Variants in KIF13A observed in about 807,000 individuals in gnomAD.
KIF13A encodes the protein kinesin family member 13A, also known as kinesin-like protein KIF13A.
A neutral mutation model predicts 212.2 loss-of-function variants in KIF13A; 79 were observed. The ratio of observed to expected loss-of-function variants is 0.37; its 90% CI spans 0.31 to 0.45. The LOEUF is 0.45. KIF13A is among the 20% of genes least tolerant of loss of function. KIF13A has a pLI of 1.00. For synonymous variants in KIF13A, 789 were observed against 808.6 expected (o/e 0.98, Z 0.41); for missense variants, 1,901 against 2,209.0 (o/e 0.86, Z 2.79).
At chr6:17,763,440 A>T (rs529260525), downstream of KIF13A, among the ~76,000 whole-genome samples, 20 of 138,726 alleles carry the variant, frequency 1.4e-4, no homozygotes, top group Admixed American at 8.3e-4. Flanking sequence ...ACTGCACTGC[A>T]GCCTGGGTGA....
rs560968914 is a variant in KIF13A, at chr6:17,984,765, A to G, written c.146+2289T>C. On this transcript the variant is annotated intron_variant, in intron 2 of 38. Coordinates refer to ENST00000259711, the MANE Select transcript of KIF13A (RefSeq NM_022113.6). The surrounding 1 kb of genome is among the most constrained non-coding windows in gnomAD (Gnocchi z 5.0). Reference sequence around the variant, plus strand: ...CAGGTTTGCCAATATGCATTTAAAGACCTCTTACACTTCAAACCTTGGACT... The same window carrying G: ...CAGGTTTGCCAATATGCATTTAAAGGCCTCTTACACTTCAAACCTTGGACT... Among the ~76,000 whole-genome samples the G allele has an allele frequency of 6.6e-6, 1 of 152,152 alleles. No individual in the cohort carries two copies. Among genetic ancestry groups the G allele is most frequent in the Non-Finnish European group, 1.5e-5 (1 of 68,028 alleles).
At chr6:17,974,620 A>G (rs1780119360) in intron 2 of KIF13A, among the ~76,000 whole-genome samples, 1 of 151,782 alleles carries the variant, frequency 6.6e-6, no homozygotes, top group South Asian at 2.1e-4. Flanking sequence ...GTTTTAGAGT[A>G]GTTAAGCAAC....
intron 2 of KIF13A, among the ~76,000 whole-genome samples, chr6:17,938,463 G>C (rs561224014): frequency 6.6e-6 from 1 of 152,222 alleles, no homozygotes; most frequent in East Asian, 1.9e-4. Context: ...AAGATAGAAC[G>C]GTCCTGAAAG....
chr6:17,819,339 G>A (rs544387303), intron 16 of KIF13A, among the ~76,000 whole-genome samples: 6 of 152,242 alleles, frequency 3.9e-5, no homozygotes, highest in South Asian at 4.1e-4. Flanking sequence ...TGAGGTGGGC[G>A]ATCACTTGAG....
At chr6:17,959,396 C>CA (rs35069089) in intron 2 of KIF13A, among the ~76,000 whole-genome samples, 1 of 151,792 alleles carries the variant, frequency 6.6e-6, no homozygotes, top group Non-Finnish European at 1.5e-5. Context: ...AGATGCAATG[C>CA]AAAAAAAGAG....
In KIF13A at chr6:17,799,481, A is replaced by G. The variant is rs200192956; in HGVS notation, c.2617-42T>C. The G allele has an allele frequency of 2.6e-4, 365 of 1,414,036 alleles. No individual in the cohort carries two copies. The highest frequency in any genetic ancestry group is 3.2e-4 in the Non-Finnish European group (342 of 1,060,212). 87.6% of individuals were successfully genotyped at this position (1,414,036 alleles called of 1,614,324 possible). ...TACAAATAAAACTCCAATGAACACT[A>G]AACATTCTTTCATTTCAGCTACCTC... On this transcript the variant is annotated intron_variant, in intron 21 of 38. Transcript: ENST00000259711. The surrounding 1 kb of genome is among the most constrained non-coding windows in gnomAD (Gnocchi z 4.4).
chr6:17,805,047 T>C (rs1416895089), intron 19 of KIF13A, among the ~76,000 whole-genome samples: 1 of 152,100 alleles, frequency 6.6e-6, no homozygotes, highest in Non-Finnish European at 1.5e-5. Flanking sequence ...CAAGCTTAAA[T>C]TACTCTTAGT....
rs757023213 is a variant in KIF13A at position 17,817,030 on chromosome 6, C to T, written c.1990G>A (p.Ala664Thr). The change falls in exon 17 of 39, where the codon GCA (alanine) becomes ACA (threonine). Residue 664 changes from alanine to threonine, a missense_variant. This residue lies in a region of KIF13A where 534 missense variants were observed against 536.9 expected (regional missense o/e 0.99). Transcript: ENST00000259711. ...QTAQQKVTQW[A>T]EERDELFRQS... ...CGCTGCAGTTCTTACCTCTCTTCTG[C>T]CCACTGGGTCACCTTCTGCTGCGCT... is the stretch of plus-strand genomic sequence containing the variant. 1.2e-6 allele frequency: 2 copies of T among 1,610,982 alleles called. No homozygotes were observed. The highest frequency in any genetic ancestry group is 2.2e-5 in the South Asian group (2 of 90,820).
At chr6:17,804,629 A>T in intron 19 of KIF13A, 119 bp from the exon 20 acceptor site, 1 of 1,016,350 alleles carries the variant, frequency 9.8e-7, no homozygotes, top group Non-Finnish European at 1.4e-6. Flanking sequence ...TTAAACAGCA[A>T]GTAAAATTAT....
At chr6:17,852,831 T>C (rs1215316230) in intron 6 of KIF13A, among the ~76,000 whole-genome samples, 3 of 152,380 alleles carry the variant, frequency 2.0e-5, no homozygotes, top group African/African-American at 4.8e-5. Context: ...AGTGAGATTA[T>C]AGTACAGAGT....
chr6:17,829,537 CAT>C lies in KIF13A; in HGVS notation c.1402-1169_1402-1168del, dbSNP rs1033172969. 1.1e-4 allele frequency among the ~76,000 whole-genome samples: 17 copies of C among 152,178 alleles called. No homozygotes were observed. The highest frequency in any genetic ancestry group is 3.9e-4 in the African/African-American group (16 of 41,438). On this transcript the variant is annotated intron_variant, in intron 13 of 38. Transcript: ENST00000259711. The surrounding 1 kb of genome is among the most constrained non-coding windows in gnomAD (Gnocchi z 5.4). ...ACAGTAAACACACTGCACCTGGCCT[CAT>C]GTGATTTTAAGTACCTGAACCTCAG...
rs1229599787 is a variant in KIF13A at position 17,873,364 on chromosome 6, G to A, written c.220+13C>T. 6.3e-7 allele frequency: 1 copy of A among 1,579,236 alleles called. No homozygotes were observed. Among genetic ancestry groups the A allele is most frequent in the African/African-American group, 1.3e-5 (1 of 74,278 alleles). ...AGAAGCCCAACTGTCAGGTGTAGAG[G>A]GAGAAAACTTACCAGCGTATTTTGT... On this transcript the variant is annotated intron_variant, in intron 4 of 38. Coordinates refer to ENST00000259711, the MANE Select transcript of KIF13A (RefSeq NM_022113.6).
chr6:17,899,096 G>A lies in KIF13A; in HGVS notation c.147-916C>T, dbSNP rs1360124726. 6.6e-6 allele frequency among the ~76,000 whole-genome samples: 1 copy of A among 152,188 alleles called. No individual in the cohort carries two copies. ...CCCCACCTCAGCCTCCCAAAGTGCT[G>A]GGATTACAGGTGTGAACCACTGCAT... On this transcript the variant is annotated intron_variant, in intron 2 of 38. Transcript: ENST00000259711. This position sits in a 1 kb window ranked among gnomAD's most constrained non-coding sequence, Gnocchi z 5.2.
intron 2 of KIF13A, among the ~76,000 whole-genome samples, chr6:17,952,047 T>C (rs1351069421): frequency 1.3e-5 from 2 of 152,162 alleles, no homozygotes; most frequent in Admixed American, 1.3e-4. Flanking sequence ...CTCACGCCTG[T>C]AATCTCAGCA....
rs1287404656 is a variant in KIF13A at position 17,888,198 on chromosome 6, C to T, written c.159+9970G>A. On this transcript the variant is annotated intron_variant, in intron 3 of 38. Transcript: ENST00000259711. This position sits in a 1 kb window ranked among gnomAD's most constrained non-coding sequence, Gnocchi z 4.8. ...CTTAGATTATAGTATATCTAATCTT[C>T]CTTATCATGTTATGAATTCTAGAAA... Among the ~76,000 whole-genome samples the T allele has an allele frequency of 2.6e-5, 4 of 152,072 alleles. No homozygotes were observed. Among genetic ancestry groups the T allele is most frequent in the Non-Finnish European group, 5.9e-5 (4 of 68,026 alleles).
intron 20 of KIF13A, among the ~76,000 whole-genome samples, chr6:17,800,662 G>A (rs1445238832): frequency 2.0e-5 from 3 of 150,752 alleles, no homozygotes; most frequent in Non-Finnish European, 4.4e-5. Flanking sequence ...GTGCAGTGGC[G>A]TGATCTCGGC....
chr6:17,776,539 G>A lies in KIF13A; in HGVS notation c.4170+738C>T, dbSNP rs1759998336. 6.6e-6 allele frequency among the ~76,000 whole-genome samples: 1 copy of A among 152,182 alleles called. No homozygotes were observed. Among genetic ancestry groups the A allele is most frequent in the South Asian group, 2.1e-4 (1 of 4,824 alleles). On this transcript the variant is annotated intron_variant, in intron 34 of 38. Transcript: ENST00000259711. The surrounding 1 kb of genome is among the most constrained non-coding windows in gnomAD (Gnocchi z 4.6). ...GCATTGTGGTCAGAAGAAGTAATCT[G>A]TGTGATAATAATTACTGGGATTTGC...
intron 3 of KIF13A, among the ~76,000 whole-genome samples, chr6:17,890,271 A>T (rs997853516): frequency 1.3e-4 from 20 of 152,200 alleles, no homozygotes; most frequent in African/African-American, 4.1e-4. Context: ...TGAGGGACAG[A>T]AGAAGAAAAT....
Position 17,771,267 on chromosome 6 carries a change from G to T in KIF13A, c.4477-49C>A, listed in dbSNP as rs1759472837. On this transcript the variant is annotated intron_variant, in intron 37 of 38. Coordinates refer to ENST00000259711, the MANE Select transcript of KIF13A (RefSeq NM_022113.6). The surrounding 1 kb of genome is among the most constrained non-coding windows in gnomAD (Gnocchi z 5.4). ...TGCATCACACACAAAGACGACAACG[G>T]CCAAAATACATATTAAGTACATGCA... 2 of 1,192,056 alleles carry T rather than the reference G, an allele frequency of 1.7e-6. No homozygotes were observed. The highest frequency in any genetic ancestry group is 2.5e-6 in the Non-Finnish European group (2 of 810,570). 73.8% of individuals were successfully genotyped at this position (1,192,056 alleles called of 1,614,324 possible).
Sources: gnomAD v4.1 joint callset for allele counts (sites outside exome capture counted in the v4.1 genomes callset) on GRCh38, gnomAD v4.1.1 for gene constraint, gnomAD v4.1.1 regional missense constraint, Gnocchi (gnomAD v3.1) non-coding constraint, MANE v1.5 for transcripts, NCBI Gene and HGNC (gene_info 2026-07-23, HGNC 2026-07-21) for gene names.